The following CIC variants were observed in gnomAD, a reference collection of about 807,000 sequenced individuals.
CIC encodes protein capicua homolog.
In CIC, 18 loss-of-function variants were observed where a neutral mutation model predicts 115.7. That is an observed-to-expected ratio of 0.16 (90% CI 0.11 to 0.23). The LOEUF (loss-of-function observed/expected upper bound fraction) is 0.23. Among genes scored for constraint, CIC ranks in the 10% least tolerant of loss-of-function variants. CIC has a pLI of 1.00. For missense variants in CIC, 2,000 were observed against 2,159.3 expected (o/e 0.93, Z 1.46); for synonymous variants, 1,076 against 923.0 (o/e 1.17, Z -3.01).
chr19:42,291,363 C>T lies in CIC; in HGVS notation c.5322C>T (p.Thr1774=), dbSNP rs769791307. Residue 1774 remains threonine, a synonymous_variant, in exon 11 of 21, where the codon ACC becomes ACT. Transcript: ENST00000681038. The stretch of plus-strand genomic sequence containing the variant: ...CACCCACCACCAGCATCCGTTTCAC[C>T]CTCCCACCGGGCACTTCCACCAACG... ...GPAPTTSIRF[T]LPPGTSTNGK... 6.2e-6 allele frequency: 10 copies of T among 1,612,808 alleles called. No homozygotes were observed. The South Asian group carries it at 1.1e-4, about 18-fold the overall frequency.
At chr19:42,284,641 G>A in intron 2 of CIC, 3 of 1,310,516 alleles carry the variant, frequency 2.3e-6, no homozygotes, top group Non-Finnish European at 3.1e-6. Context: ...AGCGGGCTGC[G>A]GGCGGAGCGG....
At chr19:42,292,913 C>T (rs752043286) in intron 15 of CIC, 43 bp from the exon 16 acceptor site, 3 of 1,613,996 alleles carry the variant, frequency 1.9e-6, no homozygotes, top group African/African-American at 1.3e-5. Context: ...AGGGGATGGG[C>T]TCCAGTCAGG....
At position 42,294,236 on chromosome 19, in the gene CIC, G is replaced by A. The variant is rs2147344155; in HGVS notation, c.6986G>A (p.Cys2329Tyr). The change falls in exon 19 of 21, where the codon TGC (cysteine) becomes TAC (tyrosine). Residue 2329 changes from cysteine (C) to tyrosine (Y), a missense_variant. Physicochemically the swap from Cys to Tyr is radical, Grantham distance 194. Coordinates refer to ENST00000681038, the MANE Select transcript of CIC (RefSeq NM_001386298.1). ...CGCAAGATGAGAAGACGCTCCAGCT[G>A]CAGCTCGGAGCCCAACACCCCCAAG... The part of the protein sequence containing the change: ...PKRKMRRRSS[C>Y]SSEPNTPKSA... 6.2e-7 allele frequency: 1 copy of A among 1,613,782 alleles called. No individual in the cohort carries two copies. The highest frequency in any genetic ancestry group is 8.5e-7 in the Non-Finnish European group (1 of 1,180,028).
chr19:42,271,865 G>A lies in CIC; in HGVS notation c.82G>A (p.Ala28Thr). Residue 28 changes from alanine (A) to threonine (T), a missense_variant, in exon 2 of 21, where the codon GCT (alanine) becomes ACT (threonine). Ala to Thr is a moderately conservative substitution (Grantham distance 58). Coordinates refer to ENST00000681038, the MANE Select transcript of CIC (RefSeq NM_001386298.1). ...GTCCCCCCCAGCCACCAGGGCCAAGGCTCTGAGGCGGCGAGGGGCTGGGGA... is the reference window on the plus strand; with the variant it reads ...GTCCCCCCCAGCCACCAGGGCCAAGACTCTGAGGCGGCGAGGGGCTGGGGA... ...SKSPPATRAK[A>T]LRRRGAGEGD... is the part of the protein sequence containing the mutation. 1 of 398,882 alleles carries A rather than the reference G, an allele frequency of 2.5e-6. No individual in the cohort carries two copies. Among genetic ancestry groups the A allele is most frequent in the Non-Finnish European group, 4.4e-6 (1 of 226,240 alleles). The allele number at this position is 398,882 out of a possible 1,614,324, so 24.7% of individuals were successfully genotyped here.
intron 7 of CIC, 135 bp from the exon 8 acceptor site, chr19:42,288,753 T>G (rs2037849255): frequency 6.2e-6 from 5 of 803,246 alleles, no homozygotes; most frequent in Non-Finnish European, 1.0e-5. Flanking sequence ...GTGGTGGTTT[T>G]TTTTTTTCAC....
Position 42,286,695 on chromosome 19 carries a change from T to G in CIC, c.2795-76T>G, listed in dbSNP as rs2037672193. On this transcript the variant is annotated intron_variant, in intron 2 of 20. Transcript: ENST00000681038. Reference sequence around the variant, plus strand: ...ACAAAAGGGGTGGGGCTACCTCATCTAGGGTGGGGAAGAGCTTGAGTTGGG... The same window carrying G: ...ACAAAAGGGGTGGGGCTACCTCATCGAGGGTGGGGAAGAGCTTGAGTTGGG... 4 of 1,597,386 alleles carry G rather than the reference T, an allele frequency of 2.5e-6. No individual in the cohort carries two copies. In the Admixed American group the frequency reaches 6.7e-5, roughly 27 times the overall value.
chr19:42,286,844 C>T lies in CIC; in HGVS notation c.2868C>T (p.Ser956=), dbSNP rs759784477. 1.7e-5 allele frequency: 27 copies of T among 1,613,750 alleles called. No individual in the cohort carries two copies. The Admixed American group carries it at 3.2e-4, about 19-fold the overall frequency. The part of the protein sequence containing the change: ...WHSLVPFLAP[S]QPDPSVQPSE... ...CCTTAGTCCCCTTCCTGGCACCCAG[C>T]CAGCCTGACCCCTCCGTGCAGCCGA... Residue 956 remains serine (S), a synonymous_variant, in exon 3 of 21, where the codon AGC becomes AGT. Transcript: ENST00000681038.
chr19:42,288,673 C>G (rs2037843366), intron 7 of CIC, among the ~76,000 whole-genome samples: 1 of 152,148 alleles, frequency 6.6e-6, no homozygotes, highest in Non-Finnish European at 1.5e-5. Context: ...GGGCTGCCCC[C>G]CAGGGAATGG....
Position 42,270,410 on chromosome 19 carries a change from C to T in CIC, c.-11+1029C>T, listed in dbSNP as rs1352167263. 1.3e-5 allele frequency among the ~76,000 whole-genome samples: 2 copies of T among 152,212 alleles called. No homozygotes were observed. The highest frequency in any genetic ancestry group is 6.5e-5 in the Admixed American group (1 of 15,286). ...CTCTCATTGTGTTTGGCTTATGGTT[C>T]TGGGTCCCCCAACCCTCCTAGAGGC... On this transcript the variant is annotated intron_variant, in intron 1 of 20. Transcript: ENST00000681038. The surrounding 1 kb of genome is among the most constrained non-coding windows in gnomAD (Gnocchi z 4.1).
rs2038049301 is a variant in CIC, at chr19:42,290,939, G to A, written c.4898G>A (p.Gly1633Asp). ...GSRVPGGSPLGVSLVYSDKKS... is the reference protein window; with the variant it reads ...GSRVPGGSPLDVSLVYSDKKS... The stretch of plus-strand genomic sequence containing the variant: ...CGGGTGCCTGGGGGCTCCCCGCTGG[G>A]TGTCAGCTTAGTGTATTCGGACAAG... Residue 1633 changes from glycine to aspartate, a missense_variant, in exon 11 of 21, where the codon GGT (glycine) becomes GAT (aspartate). Gly to Asp is a moderately conservative substitution (Grantham distance 94). Transcript: ENST00000681038. 1 of 1,613,668 alleles carries A rather than the reference G, an allele frequency of 6.2e-7. No individual in the cohort carries two copies. The highest frequency in any genetic ancestry group is 1.1e-5 in the South Asian group (1 of 91,090).
chr19:42,293,717 C>T lies in CIC; in HGVS notation c.6648C>T (p.Ser2216=), dbSNP rs1374238376. The T allele has an allele frequency of 3.7e-6, 6 of 1,612,738 alleles. No individual in the cohort carries two copies. Among genetic ancestry groups the T allele is most frequent in the Non-Finnish European group, 5.1e-6 (6 of 1,179,796 alleles). The change falls in exon 17 of 21, where the codon AGC becomes AGT. Residue 2216 remains serine, a synonymous_variant. Transcript: ENST00000681038. ...CAGCTGTAGCCCCTGGTGGCAGCAGCGAGAGCAGCAGTGGGCGGGCAGCCG... is the reference window on the plus strand; with the variant it reads ...CAGCTGTAGCCCCTGGTGGCAGCAGTGAGAGCAGCAGTGGGCGGGCAGCCG... ...PAPAVAPGGS[S]ESSSGRAAGD...
chr19:42,279,156 A>G (rs1005170284), intron 2 of CIC, among the ~76,000 whole-genome samples: 12 of 152,206 alleles, frequency 7.9e-5, no homozygotes, highest in Admixed American at 3.9e-4. Flanking sequence ...GGGGAAAAAG[A>G]GGGGCCAAAG....
chr19:42,268,997 G>A (rs1245571281), upstream of CIC, among the ~76,000 whole-genome samples: 2 of 152,196 alleles, frequency 1.3e-5, no homozygotes, highest in African/African-American at 4.8e-5. Context: ...TCCTTCACTT[G>A]TTGTAGGGTA....
chr19:42,295,019 G>C lies in CIC; in HGVS notation c.7382G>C (p.Ser2461Thr), dbSNP rs2147357903. Residue 2461 changes from serine (S) to threonine (T), a missense_variant, in exon 21 of 21, where the codon AGC (serine) becomes ACC (threonine). Transcript: ENST00000681038. ...GTAAAPAPTPSPAGGPDPTSP... is the reference protein window; with the variant it reads ...GTAAAPAPTPTPAGGPDPTSP... The stretch of plus-strand genomic sequence containing the variant: ...GCTGCTGCCCCTGCCCCCACTCCCA[G>C]CCCCGCAGGGGGCCCTGACCCCACC... 2 of 1,576,016 alleles carry C rather than the reference G, an allele frequency of 1.3e-6. No individual in the cohort carries two copies. The highest frequency in any genetic ancestry group is 1.7e-6 in the Non-Finnish European group (2 of 1,170,538).
intron 2 of CIC, among the ~76,000 whole-genome samples, chr19:42,274,921 C>T (rs1252401257): frequency 1.3e-5 from 2 of 152,104 alleles, no homozygotes; most frequent in East Asian, 1.9e-4. Context: ...GGGGACTGGG[C>T]GAGGGCATTG....
rs2037988429 is a variant in CIC, at chr19:42,290,336, C to T, written c.4295C>T (p.Ala1432Val). The change falls in exon 11 of 21, where the codon GCC becomes GTC. Residue 1432 changes from alanine (A) to valine (V), a missense_variant. By Grantham distance (64) the Ala-to-Val change is moderately conservative. Coordinates refer to ENST00000681038, the MANE Select transcript of CIC (RefSeq NM_001386298.1). ...EPPGPPDPPV[A>V]FGKGYGSAPS... ...CCAGGGCCCCCGGATCCTCCTGTAG[C>T]CTTTGGCAAAGGCTATGGTTCCGCC... The T allele has an allele frequency of 2.5e-6, 4 of 1,614,022 alleles. No homozygotes were observed. Among genetic ancestry groups the T allele is most frequent in the Non-Finnish European group, 3.4e-6 (4 of 1,180,014 alleles).
chr19:42,270,510 C>T lies in CIC; in HGVS notation c.-11+1129C>T, dbSNP rs1259935569. Among the ~76,000 whole-genome samples, 2 of 152,226 alleles carry T rather than the reference C, an allele frequency of 1.3e-5. No individual in the cohort carries two copies. Among genetic ancestry groups the T allele is most frequent in the Non-Finnish European group, 2.9e-5 (2 of 68,028 alleles). ...TTCCCCTTTTCTTTTCTCAGGGCAG[C>T]TCGAAAGGGGGCGGGCAGTAATGAC... On this transcript the variant is annotated intron_variant, in intron 1 of 20. Coordinates refer to ENST00000681038, the MANE Select transcript of CIC (RefSeq NM_001386298.1). This position sits in a 1 kb window ranked among gnomAD's most constrained non-coding sequence, Gnocchi z 4.1.
chr19:42,291,758 C>G lies in CIC; in HGVS notation c.5613+13C>G. On this transcript the variant is annotated intron_variant, in intron 12 of 20. Coordinates refer to ENST00000681038, the MANE Select transcript of CIC (RefSeq NM_001386298.1). ...GCCCCCCAGCAAGGTGAGGGCCTGC[C>G]TTTCTCTCTACCTGCTGGATGTTGG... 4.3e-6 allele frequency: 7 copies of G among 1,612,924 alleles called. No homozygotes were observed. The highest frequency in any genetic ancestry group is 5.9e-6 in the Non-Finnish European group (7 of 1,179,936).
intron 16 of CIC, 107 bp downstream of exon 16, chr19:42,293,388 A>G (rs1303313138): frequency 7.3e-7 from 1 of 1,372,992 alleles, no homozygotes; most frequent in Non-Finnish European, 1.0e-6. Flanking sequence ...TGTGTCTCTC[A>G]GGTTAAAGGG....
Sources: gnomAD v4.1 joint callset for allele counts (sites outside exome capture counted in the v4.1 genomes callset) on GRCh38, gnomAD v4.1.1 for gene constraint, Gnocchi (gnomAD v3.1) non-coding constraint, MANE v1.5 for transcripts, NCBI Gene and HGNC (gene_info 2026-07-23, HGNC 2026-07-21) for gene names.